The following ESYT2 variants were observed in gnomAD, a reference collection of about 807,000 sequenced individuals.
ESYT2 encodes the protein extended synaptotagmin 2.
In ESYT2, 54 loss-of-function variants were observed where a neutral mutation model predicts 107.2. The observed-to-expected ratio is 0.50, with a 90% CI of 0.40 to 0.63. ESYT2 has a LOEUF of 0.63. ESYT2 is among the 30% of genes least tolerant of loss of function. The pLI, the probability that ESYT2 is intolerant of heterozygous loss-of-function variation, is 0.00. For synonymous variants in ESYT2, 491 were observed against 434.1 expected, an observed-to-expected ratio of 1.13 and a Z score of -1.63; for missense variants, 1,020 against 1,094.5, an observed-to-expected ratio of 0.93 and a Z score of 0.96.
At chr7:158,768,361 C>G (rs532210071) in intron 7 of ESYT2, among the ~76,000 whole-genome samples, 1 of 152,310 alleles carries the variant, frequency 6.6e-6, no homozygotes, top group East Asian at 1.9e-4. Context: ...TTTTGAAATA[C>G]TATACATCAC....
At chr7:158,765,550 A>G (rs1346872761) in intron 8 of ESYT2, among the ~76,000 whole-genome samples, 1 of 152,060 alleles carries the variant, frequency 6.6e-6, no homozygotes, top group Non-Finnish European at 1.5e-5. Context: ...CCTGGCCAAC[A>G]TGGCAAAACC....
At chr7:158,824,224 A>G (rs1173566816) in intron 1 of ESYT2, among the ~76,000 whole-genome samples, 1 of 152,198 alleles carries the variant, frequency 6.6e-6, no homozygotes, top group African/African-American at 2.4e-5. Context: ...AAACCCAAGC[A>G]GCATCCTCAT....
intron 10 of ESYT2, among the ~76,000 whole-genome samples, chr7:158,762,125 C>T (rs1035099519): frequency 3.9e-5 from 6 of 152,032 alleles, no homozygotes; most frequent in Non-Finnish European, 8.8e-5. Context: ...CTAAACCTCC[C>T]GTACTTCCAA....
intron 19 of ESYT2, among the ~76,000 whole-genome samples, chr7:158,738,049 C>A (rs1429815350): frequency 6.6e-6 from 1 of 152,020 alleles, no homozygotes; most frequent in African/African-American, 2.4e-5. Flanking sequence ...TAGAGACCAG[C>A]GTCTCCATAA....
At position 158,782,149 on chromosome 7, in the gene ESYT2, AAGTGTG is replaced by A. The variant is rs1354767593; in HGVS notation, c.747+5849_747+5854del. Among the ~76,000 whole-genome samples the A allele has an allele frequency of 2.4e-3, 367 of 150,814 alleles. 2 individuals are homozygous for A. Among genetic ancestry groups the A allele is most frequent in the African/African-American group, 8.4e-3 (347 of 41,066 alleles). On this transcript the variant is annotated intron_variant, in intron 6 of 22. Coordinates refer to ENST00000275418, the MANE Select transcript of ESYT2 (RefSeq NM_001367773.1). ...TAAGAACGAGAACAAGTGAGTGAAC[AAGTGTG>A]AGTGTGAGAACAGTGAGGTGTGAGT...
At chr7:158,738,094 A>C (rs967397750) in intron 19 of ESYT2, among the ~76,000 whole-genome samples, 1 of 152,006 alleles carries the variant, frequency 6.6e-6, no homozygotes, top group Non-Finnish European at 1.5e-5. Context: ...GGTGGCTTCC[A>C]CCTATAGTCC....
At chr7:158,785,064 AG>A (rs1483960227) in intron 6 of ESYT2, among the ~76,000 whole-genome samples, 19 of 152,344 alleles carry the variant, frequency 1.2e-4, no homozygotes, top group Admixed American at 2.6e-4. Context: ...GCACAGCCAA[AG>A]GCAAACACCA....
intron 19 of ESYT2, 110 bp downstream of exon 19, chr7:158,738,913 A>C: frequency 8.8e-7 from 1 of 1,130,806 alleles, no homozygotes; most frequent in Non-Finnish European, 1.3e-6. Context: ...GTCCTTTCTA[A>C]ATGAAACATA....
intron 1 of ESYT2, among the ~76,000 whole-genome samples, chr7:158,807,325 TA>T: frequency 6.6e-6 from 1 of 150,988 alleles, no homozygotes; most frequent in East Asian, 2.0e-4. Flanking sequence ...GATTCAGAAT[TA>T]ACATCGGACT....
rs1361984031 is a variant in ESYT2, at chr7:158,731,057, C to T, written c.*3150G>A. ...GCACTGTCACGTGAAATTAGTTGAA[C>T]AGAAAGGAGGTTCTCTACTTTTTAA... On this transcript the variant is annotated 3_prime_UTR_variant, in exon 23 of 23. Transcript: ENST00000275418. 6.6e-6 allele frequency: 1 copy of T among 152,128 alleles called. No individual in the cohort carries two copies. The highest frequency in any genetic ancestry group is 2.4e-5 in the African/African-American group (1 of 41,408). 9.4% of individuals were successfully genotyped at this position (152,128 alleles called of 1,614,324 possible).
intron 19 of ESYT2, among the ~76,000 whole-genome samples, chr7:158,738,452 G>T (rs1234622315): frequency 3.3e-5 from 5 of 151,624 alleles, no homozygotes; most frequent in Admixed American, 2.6e-4. Flanking sequence ...TGACATATTT[G>T]TGTATTTTTT....
intron 7 of ESYT2, 80 bp downstream of exon 7, chr7:158,773,261 T>C (rs1409687107): frequency 6.7e-7 from 1 of 1,491,706 alleles, no homozygotes; most frequent in Non-Finnish European, 9.4e-7. Context: ...TCTTAACCAT[T>C]CTCACACTAT....
At chr7:158,783,566 C>G (rs1839001431) in intron 6 of ESYT2, among the ~76,000 whole-genome samples, 2 of 152,224 alleles carry the variant, frequency 1.3e-5, no homozygotes, top group South Asian at 2.1e-4. Context: ...CACGGGAGAG[C>G]TGACATCCTG....
chr7:158,773,196 C>T (rs2129472566), intron 7 of ESYT2, 145 bp downstream of exon 7: 2 of 899,574 alleles, frequency 2.2e-6, no homozygotes, highest in Non-Finnish European at 3.6e-6. Flanking sequence ...GTACCCTCTG[C>T]TTGTTTCTCA....
At position 158,738,942 on chromosome 7, in the gene ESYT2, C is replaced by A. The variant is rs1192056827; in HGVS notation, c.2267+81G>T. ...AAACATAAATGGATGTTTGGAAATC[C>A]TAAAGGCGGTGTCTACATCATCCTA... is the stretch of plus-strand genomic sequence containing the variant. On this transcript the variant is annotated intron_variant, in intron 19 of 22. Coordinates refer to ENST00000275418, the MANE Select transcript of ESYT2 (RefSeq NM_001367773.1). The A allele has an allele frequency of 7.5e-6, 10 of 1,341,298 alleles. No homozygotes were observed. In the African/African-American group the frequency reaches 1.4e-4, roughly 19 times the overall value. 83.1% of individuals were successfully genotyped at this position (1,341,298 alleles called of 1,614,324 possible). A position where few individuals can be genotyped will look rare whatever the true frequency, so the allele number is the denominator to read the frequency against.
At chr7:158,752,722 G>GT in intron 14 of ESYT2, 59 bp downstream of exon 14, 3 of 1,152,594 alleles carry the variant, frequency 2.6e-6, no homozygotes, top group Non-Finnish European at 3.5e-6. Flanking sequence ...ATGAGACAAA[G>GT]TATCATCTCT....
chr7:158,747,067 G>A (rs959624710), intron 16 of ESYT2, among the ~76,000 whole-genome samples: 5 of 150,368 alleles, frequency 3.3e-5, no homozygotes, highest in East Asian at 4.0e-4. Context: ...ACAAAGAGGC[G>A]GGGTGCGTTG....
In ESYT2 at chr7:158,734,008, TAGAGGAAATCCA is replaced by T. The variant is rs1475325816; in HGVS notation, c.*187_*198del. ...CACGTTGTAGGAACTGGCGAAATCC[TAGAGGAAATCCA>T]ACACAGAAAATTCAATGATAATATT... On this transcript the variant is annotated 3_prime_UTR_variant, in exon 23 of 23. Coordinates refer to ENST00000275418, the MANE Select transcript of ESYT2 (RefSeq NM_001367773.1). The T allele has an allele frequency of 3.2e-5, 20 of 621,534 alleles. No homozygotes were observed. The highest frequency in any genetic ancestry group is 1.6e-4 in the South Asian group (8 of 50,078). 38.5% of individuals were successfully genotyped at this position (621,534 alleles called of 1,614,324 possible).
At chr7:158,805,914 TTCTTA>T (rs1839811811) in intron 1 of ESYT2, among the ~76,000 whole-genome samples, 1 of 152,240 alleles carries the variant, frequency 6.6e-6, no homozygotes, top group African/African-American at 2.4e-5. Context: ...AATTGTTGCT[TTCTTA>T]TGTCACCTAA....
Sources: allele counts gnomAD v4.1 joint callset (sites outside exome capture counted in the v4.1 genomes callset), GRCh38; gene constraint gnomAD v4.1.1; transcripts MANE v1.5; gene names NCBI Gene and HGNC (gene_info 2026-07-23, HGNC 2026-07-21).